The following PCDH15 variants were observed in gnomAD, a reference collection of about 807,000 sequenced individuals.
PCDH15 encodes protocadherin-15.
A neutral mutation model predicts 178.5 loss-of-function variants in PCDH15; 129 were observed. The ratio of observed to expected loss-of-function variants is 0.72; its 90% CI spans 0.63 to 0.84. PCDH15 has a LOEUF of 0.84. Among genes scored for constraint, PCDH15 ranks in the 40% least tolerant of loss-of-function variants. The pLI, the probability that PCDH15 is intolerant of heterozygous loss-of-function variation, is 0.00. For missense variants in PCDH15, 2,230 were observed against 2,099.9 expected, an observed-to-expected ratio of 1.06 and a Z score of -1.21; for synonymous variants, 800 against 732.0, an observed-to-expected ratio of 1.09 and a Z score of -1.50.
At chr10:54,043,753 G>A (rs928167012) in intron 18 of PCDH15, among the ~76,000 whole-genome samples, 11 of 152,106 alleles carry the variant, frequency 7.2e-5, no homozygotes, top group African/African-American at 2.7e-4. Flanking sequence ...AGTATTGGTA[G>A]GGAAGGAGAG....
chr10:53,944,286 T>C (rs181394844), intron 23 of PCDH15, among the ~76,000 whole-genome samples: 41 of 152,286 alleles, frequency 2.7e-4, no homozygotes, highest in Non-Finnish European at 1.5e-5. Context: ...CTATGGGCTG[T>C]CAGTTTACGA....
At chr10:54,223,233 C>T (rs1247988157) in intron 9 of PCDH15, among the ~76,000 whole-genome samples, 6 of 141,282 alleles carry the variant, frequency 4.2e-5, no homozygotes, top group Non-Finnish European at 9.0e-5. Context: ...TTGCTTGAAT[C>T]TGGGAGGTGG....
At chr10:54,465,217 T>C (rs988952550) in intron 3 of PCDH15, among the ~76,000 whole-genome samples, 1 of 152,108 alleles carries the variant, frequency 6.6e-6, no homozygotes, top group Non-Finnish European at 1.5e-5. Context: ...TGTCATAGTA[T>C]TTATTCCCTA....
At chr10:55,600,870 T>G (rs1039182138) in intron 2 of PCDH15, among the ~76,000 whole-genome samples, 4 of 152,020 alleles carry the variant, frequency 2.6e-5, no homozygotes, top group Admixed American at 2.6e-4. Context: ...TTTAAAATTT[T>G]TTAAATTAAT....
chr10:55,526,321 G>T (rs1187202949), intron 2 of PCDH15, among the ~76,000 whole-genome samples: 1 of 151,924 alleles, frequency 6.6e-6, no homozygotes, highest in Non-Finnish European at 1.5e-5. Context: ...CCAATACGTA[G>T]AAAACAGGAT....
At chr10:55,276,977 C>A (rs1204860890) in intron 1 of PCDH15, among the ~76,000 whole-genome samples, 1 of 151,864 alleles carries the variant, frequency 6.6e-6, no homozygotes, top group Non-Finnish European at 1.5e-5. Flanking sequence ...GTCTTTAAAG[C>A]TTTCTTTCTT....
rs866012185 is a variant in PCDH15, at chr10:55,579,955, C to T, written c.-156+47670G>A. On this transcript the variant is annotated intron_variant, in intron 2 of 5. Transcript: ENST00000613346. ...CACTGCAACCTCTGCCTCCTGGGTTCAAGCAATTCTCATGCCTAAACCTCC... is the reference window on the plus strand; with the variant it reads ...CACTGCAACCTCTGCCTCCTGGGTTTAAGCAATTCTCATGCCTAAACCTCC... Among the ~76,000 whole-genome samples, 4 of 152,196 alleles carry T rather than the reference C, an allele frequency of 2.6e-5. No individual in the cohort carries two copies. In the Middle Eastern group the frequency reaches 0.01, roughly 388 times the overall value.
At chr10:54,858,826 T>G (rs192327037) in intron 3 of PCDH15, among the ~76,000 whole-genome samples, 20 of 152,214 alleles carry the variant, frequency 1.3e-4, no homozygotes, top group African/African-American at 4.6e-4. Flanking sequence ...ATGACATTAT[T>G]CCATGTATTT....
At chr10:54,760,553 G>C (rs74136273) in intron 1 of PCDH15, among the ~76,000 whole-genome samples, 2 of 151,970 alleles carry the variant, frequency 1.3e-5, no homozygotes, top group Non-Finnish European at 2.9e-5. Context: ...TGCAATTCAC[G>C]AACTGCTGCC....
At chr10:54,926,219 C>T (rs1237049903) in intron 2 of PCDH15, among the ~76,000 whole-genome samples, 1 of 151,920 alleles carries the variant, frequency 6.6e-6, no homozygotes, top group Non-Finnish European at 1.5e-5. Flanking sequence ...TGGCTTTTTT[C>T]ATTAGTTATT....
chr10:53,913,441 A>T (rs1052904736), intron 25 of PCDH15, among the ~76,000 whole-genome samples: 4 of 152,128 alleles, frequency 2.6e-5, no homozygotes, highest in African/African-American at 9.7e-5. Flanking sequence ...TAGTTAAAAT[A>T]AAGAGCTTCT....
chr10:54,153,099 C>A lies in PCDH15; in HGVS notation c.1784+1G>T, dbSNP rs761865629. 6.2e-7 allele frequency: 1 copy of A among 1,613,624 alleles called. No homozygotes were observed. The highest frequency in any genetic ancestry group is 2.2e-5 in the East Asian group (1 of 44,844). On this transcript the variant is annotated splice_donor_variant, in intron 14 of 37. Transcript: ENST00000644397. LOFTEE classifies it high-confidence loss of function. ...ACTGCATTGGTTCTAATATAAATTA[C>A]CTTCGCTCTGCAGGAGGAGCATTAT...
rs552806809 is a variant in PCDH15, at chr10:54,465,331, A to G, written c.157+62481T>C. Among the ~76,000 whole-genome samples the G allele has an allele frequency of 7.9e-5, 12 of 152,162 alleles. No homozygotes were observed. The East Asian group carries it at 1.5e-3, about 20-fold the overall frequency. ...GTTTAGTAACTAAAGTTTACTCTCA[A>G]TCACTGGAAATTATTCTTTCTGTTT... On this transcript the variant is annotated intron_variant, in intron 3 of 37. Transcript: ENST00000644397.
chr10:55,083,894 C>T (rs1842101897), intron 2 of PCDH15, among the ~76,000 whole-genome samples: 1 of 151,478 alleles, frequency 6.6e-6, no homozygotes, highest in South Asian at 2.1e-4. Context: ...ACAATAAAAA[C>T]TATAAAACAT....
At chr10:55,436,924 A>G (rs1265899285) in intron 2 of PCDH15, among the ~76,000 whole-genome samples, 1 of 152,164 alleles carries the variant, frequency 6.6e-6, no homozygotes, top group Non-Finnish European at 1.5e-5. Context: ...ATCTTCTGTT[A>G]AAAATGTTCT....
At chr10:54,911,968 A>T (rs1409047525) in intron 2 of PCDH15, among the ~76,000 whole-genome samples, 2 of 152,176 alleles carry the variant, frequency 1.3e-5, no homozygotes, top group African/African-American at 2.4e-5. Context: ...ACAAACATCC[A>T]TTGGTCTTTA....
intron 25 of PCDH15, among the ~76,000 whole-genome samples, chr10:53,926,893 C>T (rs1453891180): frequency 1.3e-5 from 2 of 152,154 alleles, no homozygotes; most frequent in Admixed American, 6.5e-5. Context: ...ATAGAAACTT[C>T]TTTAAAGCGC....
At chr10:54,772,503 CAT>C (rs768818210) in intron 1 of PCDH15, among the ~76,000 whole-genome samples, 28 of 152,094 alleles carry the variant, frequency 1.8e-4, no homozygotes, top group Non-Finnish European at 2.4e-4. Context: ...GTCCAACAAA[CAT>C]ATGAAAAAAA....
chr10:54,599,921 T>A (rs2092445062), intron 2 of PCDH15: 11 of 807,212 alleles, frequency 1.4e-5, no homozygotes, highest in Non-Finnish European at 2.3e-5. Flanking sequence ...AGTGAGGAAG[T>A]GGCCACTAAG....
Sources: allele counts gnomAD v4.1 joint callset (sites outside exome capture counted in the v4.1 genomes callset), GRCh38; gene constraint gnomAD v4.1.1; transcripts MANE v1.5; gene names NCBI Gene and HGNC (gene_info 2026-07-23, HGNC 2026-07-21).